Variants in CEMIP2 observed in about 807,000 individuals in gnomAD.
The protein encoded by CEMIP2 is cell migration inducing hyaluronidase 2.
CEMIP2 carries 79 observed loss-of-function variants against 146.9 expected under a neutral mutation model. The ratio of observed to expected loss-of-function variants is 0.54; its 90% confidence interval spans 0.45 to 0.65. CEMIP2 has a LOEUF of 0.65. CEMIP2 is among the 30% of genes least tolerant of loss of function. CEMIP2 has a pLI of 0.00. For missense variants in CEMIP2, 1,596 were observed against 1,696.2 expected (o/e 0.94, Z 1.04); for synonymous variants, 601 against 606.3 (o/e 0.99, Z 0.13).
At chr9:71,710,316 T>C (rs998628805) in intron 16 of CEMIP2, among the ~76,000 whole-genome samples, 1 of 152,248 alleles carries the variant, frequency 6.6e-6, no homozygotes, top group African/African-American at 2.4e-5. Flanking sequence ...CTCTCTTAAA[T>C]GCTTTTATGC....
At chr9:71,704,384 A>G in intron 18 of CEMIP2, 1 of 587,768 alleles carries the variant, frequency 1.7e-6, no homozygotes, top group Non-Finnish European at 3.0e-6. Context: ...TAACTTGACC[A>G]CAGAGAAAAA....
intron 22 of CEMIP2, 176 bp from the exon 23 acceptor site, chr9:71,686,022 C>T (rs779241039): frequency 1.5e-5 from 9 of 592,336 alleles, no homozygotes; most frequent in Non-Finnish European, 2.4e-5. Context: ...ACCCCACCAC[C>T]ATGGGCTTCA....
chr9:71,685,743 C>T lies in CEMIP2; in HGVS notation c.3955G>A (p.Gly1319Arg). ...TTCATGAAATAATACAAATACAAAC[C>T]TTTGTCATAAAGATGAGCTGGTTTG... ...LAKPAHLYDK[G>R]STIFLGFSGN... Residue 1319 changes from glycine (G) to arginine (R), a missense_variant and splice_region_variant, in exon 23 of 24, where the codon GGG (glycine) becomes AGG (arginine). Transcript: ENST00000377044. The T allele has an allele frequency of 1.2e-6, 2 of 1,611,738 alleles. No individual in the cohort carries two copies. Among genetic ancestry groups the T allele is most frequent in the Non-Finnish European group, 1.7e-6 (2 of 1,177,984 alleles).
intron 18 of CEMIP2, among the ~76,000 whole-genome samples, chr9:71,701,547 G>A (rs1440064176): frequency 6.6e-6 from 1 of 152,138 alleles, no homozygotes; most frequent in Non-Finnish European, 1.5e-5. Context: ...TATATGGAGA[G>A]TGGAACTGTA....
At chr9:71,720,434 A>T (rs1589144020) in intron 12 of CEMIP2, among the ~76,000 whole-genome samples, 1 of 152,186 alleles carries the variant, frequency 6.6e-6, no homozygotes, top group South Asian at 2.1e-4. Context: ...CAGATTACAG[A>T]TATCTGCCAT....
At position 71,690,216 on chromosome 9, in the gene CEMIP2, C is replaced by T. The variant is rs767564122; in HGVS notation, c.3727G>A (p.Ala1243Thr). ...VNGTDFTFRSAGVLLLVVDPC... is the reference protein window; with the variant it reads ...VNGTDFTFRSTGVLLLVVDPC... ...TCCACAACAAGGAGGAGGACGCCTG[C>T]ACTTCGGAAGGTAAAGTCAGTGCCA... is the stretch of plus-strand genomic sequence containing the variant. Residue 1243 changes from alanine (A) to threonine (T), a missense_variant, in exon 22 of 24, where the codon GCA (alanine) becomes ACA (threonine). Transcript: ENST00000377044. The T allele has an allele frequency of 9.3e-6, 15 of 1,614,110 alleles. No individual in the cohort carries two copies. The South Asian group carries it at 1.1e-4, about 12-fold the overall frequency.
chr9:71,686,373 G>T, intron 22 of CEMIP2: 1 of 172,638 alleles, frequency 5.8e-6, no homozygotes, highest in Non-Finnish European at 1.2e-5. Flanking sequence ...CCCCCAGATG[G>T]GACCATCTAG....
At chr9:71,766,255 T>TATA (rs1448177728) in intron 1 of CEMIP2, among the ~76,000 whole-genome samples, 1 of 151,926 alleles carries the variant, frequency 6.6e-6, no homozygotes, top group African/African-American at 2.4e-5. Flanking sequence ...GTATTTTTAG[T>TATA]AGAGATAGGG....
At chr9:71,740,285 A>C in intron 4 of CEMIP2, 53 bp from the exon 5 acceptor site, 2 of 1,583,034 alleles carry the variant, frequency 1.3e-6, no homozygotes, top group Non-Finnish European at 1.7e-6. Flanking sequence ...TATTCACAAA[A>C]TCCCTGACAA....
chr9:71,721,834 T>G (rs1303393194), intron 12 of CEMIP2, among the ~76,000 whole-genome samples: 2 of 152,246 alleles, frequency 1.3e-5, no homozygotes, highest in Non-Finnish European at 1.5e-5. Flanking sequence ...TTTCTTTATT[T>G]TGGCTCATAT....
At chr9:71,688,532 G>T (rs183532979) in intron 22 of CEMIP2, among the ~76,000 whole-genome samples, 1 of 151,666 alleles carries the variant, frequency 6.6e-6, no homozygotes, top group Non-Finnish European at 1.5e-5. Flanking sequence ...GGGATTATAG[G>T]TGCCACCAAC....
intron 1 of CEMIP2, among the ~76,000 whole-genome samples, chr9:71,764,357 C>T (rs540996538): frequency 6.6e-6 from 1 of 151,186 alleles, no homozygotes; most frequent in Admixed American, 6.6e-5. Context: ...ATTATCTGAT[C>T]ATTAAACTAA....
At chr9:71,738,470 G>A (rs538242504) in intron 5 of CEMIP2, among the ~76,000 whole-genome samples, 4 of 151,942 alleles carry the variant, frequency 2.6e-5, no homozygotes, top group South Asian at 2.1e-4. Context: ...AGCGACAATC[G>A]CACCACTGCA....
At chr9:71,724,841 T>C (rs1823335805) in intron 11 of CEMIP2, among the ~76,000 whole-genome samples, 2 of 152,200 alleles carry the variant, frequency 1.3e-5, no homozygotes, top group African/African-American at 4.8e-5. Context: ...AGATGAATTA[T>C]GCTTATCAAC....
At position 71,684,466 on chromosome 9, in the gene CEMIP2, T is replaced by C. The variant is rs1026012537; in HGVS notation, c.*731A>G. On this transcript the variant is annotated 3_prime_UTR_variant, in exon 24 of 24. Coordinates refer to ENST00000377044, the MANE Select transcript of CEMIP2 (RefSeq NM_013390.3). ...TATACAGTCAAAAGAGGCTAAGGAT[T>C]AAAGCTGCAAAAATGGTCCCAACAG... 1 of 152,610 alleles carries C rather than the reference T, an allele frequency of 6.6e-6. No homozygotes were observed. Among genetic ancestry groups the C allele is most frequent in the African/African-American group, 2.4e-5 (1 of 41,436 alleles). The allele number at this position is 152,610 out of a possible 1,614,324, so 9.5% of individuals were successfully genotyped here.
chr9:71,707,691 G>C (rs1022909422), intron 17 of CEMIP2, among the ~76,000 whole-genome samples: 1 of 152,312 alleles, frequency 6.6e-6, no homozygotes, highest in African/African-American at 2.4e-5. Context: ...GCTCAGTAGA[G>C]GGGAAATAGC....
intron 20 of CEMIP2, among the ~76,000 whole-genome samples, chr9:71,696,389 TGGTTG>T (rs1259107761): frequency 1.3e-5 from 2 of 152,014 alleles, no homozygotes; most frequent in Non-Finnish European, 2.9e-5. Context: ...TTTCTCTGGT[TGGTTG>T]ATTTTTGATT....
chr9:71,750,240 G>A lies in CEMIP2; in HGVS notation c.134C>T (p.Ala45Val). 6.2e-7 allele frequency: 1 copy of A among 1,614,114 alleles called. No homozygotes were observed. Among genetic ancestry groups the A allele is most frequent in the Non-Finnish European group, 8.5e-7 (1 of 1,180,004 alleles). ...TCTGATGGAGGTAAATTTGGCTGAA[G>A]CTTGACTCTTTGGAGGAGGAGGGGG... ...LRPPPPPKSQ[A>V]SAKFTSIRRE... The change falls in exon 2 of 24, where the codon GCT (alanine) becomes GTT (valine). Residue 45 changes from alanine (A) to valine (V), a missense_variant. Transcript: ENST00000377044.
Position 71,748,473 on chromosome 9 carries a change from T to C in CEMIP2, c.331+1570A>G, listed in dbSNP as rs577241255. On this transcript the variant is annotated intron_variant, in intron 2 of 23. Coordinates refer to ENST00000377044, the MANE Select transcript of CEMIP2 (RefSeq NM_013390.3). The stretch of plus-strand genomic sequence containing the variant: ...TGCCAAAATGTGAAACTAAAGAATG[T>C]TGGTTCAAGGAACCATATCAGCAAT... 9.2e-5 allele frequency among the ~76,000 whole-genome samples: 14 copies of C among 152,282 alleles called. No individual in the cohort carries two copies. The East Asian group carries it at 1.9e-3, about 21-fold the overall frequency.
Sources: allele counts gnomAD v4.1 joint callset (sites outside exome capture counted in the v4.1 genomes callset), GRCh38; gene constraint gnomAD v4.1.1; transcripts MANE v1.5; gene names NCBI Gene and HGNC (gene_info 2026-07-23, HGNC 2026-07-21).